Variants in SVEP1 observed in about 807,000 individuals in gnomAD.
SVEP1 encodes the protein sushi, von Willebrand factor type A, EGF and pentraxin domain-containing protein 1.
SVEP1 carries 164 observed loss-of-function variants against 367.3 expected under a neutral mutation model. That is an observed-to-expected ratio of 0.45 (90% CI 0.39 to 0.51). The LOEUF is 0.51. Ranked by LOEUF, SVEP1 falls within the 20% of genes least tolerant of loss-of-function variation. The pLI is 0.00. For missense variants in SVEP1, 4,117 were observed against 4,425.3 expected, an observed-to-expected ratio of 0.93 and a Z score of 1.98; for synonymous variants, 1,666 against 1,611.6, an observed-to-expected ratio of 1.03 and a Z score of -0.81.
At chr9:110,445,149 T>C (rs923802088) in intron 26 of SVEP1, among the ~76,000 whole-genome samples, 1 of 152,092 alleles carries the variant, frequency 6.6e-6, no homozygotes, top group Non-Finnish European at 1.5e-5. Context: ...AAAAAAGCAG[T>C]GGTTTTAAAG....
intron 29 of SVEP1, 55 bp downstream of exon 29, chr9:110,435,186 A>G (rs2118567236): frequency 6.3e-7 from 1 of 1,589,426 alleles, no homozygotes; most frequent in Non-Finnish European, 8.6e-7. Context: ...CTTTTGCTAG[A>G]CAGTCCCAGG....
intron 37 of SVEP1, among the ~76,000 whole-genome samples, chr9:110,409,648 G>T (rs1029335905): frequency 2.6e-5 from 4 of 152,084 alleles, no homozygotes; most frequent in African/African-American, 9.7e-5. Context: ...ACATGTATTT[G>T]TTAATGTTGT....
chr9:110,461,226 G>A (rs938920877), intron 18 of SVEP1, among the ~76,000 whole-genome samples: 1 of 152,164 alleles, frequency 6.6e-6, no homozygotes, highest in African/African-American at 2.4e-5. Flanking sequence ...TTTAGCAGAG[G>A]GCAGGGGGAC....
chr9:110,395,386 C>T (rs1827741571), intron 40 of SVEP1, among the ~76,000 whole-genome samples: 1 of 152,148 alleles, frequency 6.6e-6, no homozygotes, highest in Non-Finnish European at 1.5e-5. Context: ...CAGTACCACC[C>T]ACTGCAAAAA....
intron 38 of SVEP1, among the ~76,000 whole-genome samples, chr9:110,405,018 G>A (rs1827933681): frequency 6.6e-6 from 1 of 151,952 alleles, no homozygotes; most frequent in Non-Finnish European, 1.5e-5. Flanking sequence ...AGAGCAAGAC[G>A]TTGTCTCAAA....
chr9:110,413,261 AATC>A (rs1448567043), intron 36 of SVEP1, among the ~76,000 whole-genome samples: 1 of 149,020 alleles, frequency 6.7e-6, no homozygotes, highest in African/African-American at 2.5e-5. Flanking sequence ...TGAAATTGGA[AATC>A]ATCATTCTCA....
At chr9:110,417,358 C>G (rs370011250) in intron 36 of SVEP1, among the ~76,000 whole-genome samples, 14 of 107,676 alleles carry the variant, frequency 1.3e-4, no homozygotes, top group Non-Finnish European at 2.1e-4. Flanking sequence ...GGGTGACGGA[C>G]GCACCTGGAA....
At chr9:110,389,689 A>G in intron 40 of SVEP1, 102 bp from the exon 41 acceptor site, 1 of 1,231,554 alleles carries the variant, frequency 8.1e-7, no homozygotes, top group Non-Finnish European at 1.1e-6. Flanking sequence ...ATCGCTCAGC[A>G]CTGGAATGCT....
chr9:110,444,292 A>AAG (rs1464771709), intron 26 of SVEP1, among the ~76,000 whole-genome samples: 1 of 152,198 alleles, frequency 6.6e-6, no homozygotes, highest in East Asian at 1.9e-4. Context: ...GAAGGCTCTG[A>AAG]AGAGACCACT....
intron 1 of SVEP1, among the ~76,000 whole-genome samples, chr9:110,553,469 A>T (rs1830317202): frequency 6.6e-6 from 1 of 152,202 alleles, no homozygotes; most frequent in Non-Finnish European, 1.5e-5. Context: ...TCCTGATGAA[A>T]CCCTGTGATA....
rs776522078 is a variant in SVEP1, at chr9:110,499,088, G to A, written c.1634C>T (p.Thr545Ile). 2 of 1,613,544 alleles carry A rather than the reference G, an allele frequency of 1.2e-6. No homozygotes were observed. The highest frequency in any genetic ancestry group is 2.7e-5 in the African/African-American group (2 of 74,872). Residue 545 changes from threonine to isoleucine, a missense_variant, in exon 7 of 48, where the codon ACC (threonine) becomes ATC (isoleucine). Physicochemically the swap from Thr to Ile is moderately conservative, Grantham distance 89. Transcript: ENST00000374469. ...LSGVKEMLRC[T>I]TSGKWNVGVQ... is the part of the protein sequence containing the mutation. ...TCCGACATTCCATTTTCCAGAAGTG[G>A]TACATCTCAGCATTTCTTTGACTCC...
chr9:110,402,457 A>G (rs902971733), intron 39 of SVEP1, among the ~76,000 whole-genome samples: 4 of 152,182 alleles, frequency 2.6e-5, no homozygotes, highest in Non-Finnish European at 5.9e-5. Flanking sequence ...AGTTTTACAC[A>G]GTTTACACCT....
chr9:110,430,107 C>CTTT (rs11331398), intron 33 of SVEP1, 103 bp from the exon 34 acceptor site: 354 of 964,500 alleles, frequency 3.7e-4, no homozygotes, highest in East Asian at 9.1e-4. Flanking sequence ...TGTTTGTTTT[C>CTTT]TTTTTTTTTT....
intron 8 of SVEP1, among the ~76,000 whole-genome samples, chr9:110,490,744 A>G (rs547896530): frequency 6.6e-6 from 1 of 152,208 alleles, no homozygotes; most frequent in South Asian, 2.1e-4. Flanking sequence ...TTTCTGATCT[A>G]TATTAAATAT....
At chr9:110,551,396 C>T (rs117458597) in intron 1 of SVEP1, among the ~76,000 whole-genome samples, 2,104 of 152,250 alleles carry the variant, frequency 0.014, 27 homozygotes, top group Middle Eastern at 0.02. Flanking sequence ...TGAGGCAAAG[C>T]TAAAGCTGCT....
At chr9:110,417,163 G>C (rs1013552170) in intron 36 of SVEP1, among the ~76,000 whole-genome samples, 2 of 151,454 alleles carry the variant, frequency 1.3e-5, no homozygotes, top group Admixed American at 6.6e-5. Context: ...CAGCGTGAGC[G>C]ACGCAGAAGA....
chr9:110,518,296 A>G (rs955836402), intron 3 of SVEP1, among the ~76,000 whole-genome samples: 23 of 151,838 alleles, frequency 1.5e-4, no homozygotes, highest in African/African-American at 5.6e-4. Context: ...GGTGGTGCAC[A>G]CCTGTAATCC....
intron 36 of SVEP1, among the ~76,000 whole-genome samples, chr9:110,412,156 A>G (rs1236822305): frequency 6.6e-6 from 1 of 152,250 alleles, no homozygotes; most frequent in Non-Finnish European, 1.5e-5. Flanking sequence ...AGTAAGCTGT[A>G]TAGTGCTATT....
chr9:110,431,211 TAC>T (rs1435120154), intron 32 of SVEP1, among the ~76,000 whole-genome samples: 8 of 152,200 alleles, frequency 5.3e-5, no homozygotes, highest in East Asian at 1.9e-4. Context: ...AATATTAACA[TAC>T]AGAGAAAAGT....
Sources: allele counts gnomAD v4.1 joint callset (sites outside exome capture counted in the v4.1 genomes callset), GRCh38; gene constraint gnomAD v4.1.1; transcripts MANE v1.5; gene names NCBI Gene and HGNC (gene_info 2026-07-23, HGNC 2026-07-21).